The following FBXL17 variants were observed in gnomAD, a reference collection of about 807,000 sequenced individuals.
FBXL17 encodes the protein F-box and leucine rich repeat protein 17, also known as F-box/LRR-repeat protein 17.
A neutral mutation model predicts 66.2 loss-of-function variants in FBXL17; 22 were observed. The ratio of observed to expected loss-of-function variants is 0.33; its 90% CI spans 0.24 to 0.47. The LOEUF is 0.47. Ranked by LOEUF, FBXL17 falls within the 20% of genes least tolerant of loss-of-function variation. FBXL17 has a pLI of 1.00. For missense variants in FBXL17, 878 were observed against 948.2 expected (o/e 0.93, Z 0.97); for synonymous variants, 474 against 400.5 (o/e 1.18, Z -2.19).
intron 6 of FBXL17, among the ~76,000 whole-genome samples, chr5:108,125,996 G>GA (rs1242650198): frequency 6.6e-6 from 1 of 152,018 alleles, no homozygotes; most frequent in African/African-American, 2.4e-5. Flanking sequence ...CCCACAAGTG[G>GA]AAAAATCCTA....
At chr5:108,135,356 C>T (rs1480387455) in intron 6 of FBXL17, among the ~76,000 whole-genome samples, 1 of 152,096 alleles carries the variant, frequency 6.6e-6, no homozygotes, top group Non-Finnish European at 1.5e-5. Flanking sequence ...TATTTACTCC[C>T]AAGTGCTGTT....
chr5:108,169,859 A>G (rs1752542096), intron 6 of FBXL17, among the ~76,000 whole-genome samples: 1 of 152,192 alleles, frequency 6.6e-6, no homozygotes, highest in Non-Finnish European at 1.5e-5. Context: ...TATCCAATCA[A>G]TCCATCAACA....
intron 6 of FBXL17, among the ~76,000 whole-genome samples, chr5:108,173,602 A>G (rs1025355109): frequency 6.6e-6 from 1 of 152,226 alleles, no homozygotes. Context: ...AGTCTTTAAT[A>G]CAATACAACC....
chr5:108,071,471 C>T lies in FBXL17; in HGVS notation c.1746-50470G>A, dbSNP rs116789814. Reference sequence around the variant, plus strand: ...TTGTGAGGATGACTTCACTGAAGTGCATGGATTCCTCTTTGGGCCAATCTC... The same window carrying T: ...TTGTGAGGATGACTTCACTGAAGTGTATGGATTCCTCTTTGGGCCAATCTC... On this transcript the variant is annotated intron_variant, in intron 6 of 8. Transcript: ENST00000542267. Among the ~76,000 whole-genome samples the T allele has an allele frequency of 3.6e-3, 552 of 152,310 alleles. 1 individual carries two copies. The highest frequency in any genetic ancestry group is 6.7e-3 in the Non-Finnish European group (459 of 68,024).
At chr5:108,013,421 T>A (rs1357225988) in intron 7 of FBXL17, among the ~76,000 whole-genome samples, 1 of 152,236 alleles carries the variant, frequency 6.6e-6, no homozygotes, top group African/African-American at 2.4e-5. Context: ...AAAGCATCCA[T>A]TCAGACACCT....
intron 7 of FBXL17, among the ~76,000 whole-genome samples, chr5:107,895,641 T>C (rs1282519077): frequency 6.6e-6 from 1 of 152,196 alleles, no homozygotes; most frequent in Admixed American, 6.5e-5. Flanking sequence ...AATGATGCTC[T>C]CAAATAAAAT....
intron 6 of FBXL17, among the ~76,000 whole-genome samples, chr5:108,072,504 C>T (rs1312503499): frequency 6.6e-6 from 1 of 152,120 alleles, no homozygotes; most frequent in Non-Finnish European, 1.5e-5. Context: ...GAGATTGGGA[C>T]CATCCTGGCT....
At chr5:107,939,110 T>A (rs927201895) in intron 7 of FBXL17, among the ~76,000 whole-genome samples, 4 of 152,178 alleles carry the variant, frequency 2.6e-5, no homozygotes, top group Non-Finnish European at 5.9e-5. Context: ...TCATGAATGA[T>A]CATTATCATC....
chr5:108,324,611 A>C (rs1759765722), intron 4 of FBXL17, among the ~76,000 whole-genome samples: 1 of 152,088 alleles, frequency 6.6e-6, no homozygotes, highest in Admixed American at 6.6e-5. Context: ...AACTGAAAGA[A>C]GGGTCTCAAA....
At chr5:108,166,158 G>C (rs1226877789) in intron 6 of FBXL17, among the ~76,000 whole-genome samples, 1 of 152,198 alleles carries the variant, frequency 6.6e-6, no homozygotes. Context: ...AAAGAGTCAA[G>C]TGAGACTTTG....
chr5:108,028,699 C>A (rs1754918905), intron 6 of FBXL17, among the ~76,000 whole-genome samples: 1 of 152,120 alleles, frequency 6.6e-6, no homozygotes, highest in East Asian at 1.9e-4. Context: ...GGAGGCAACT[C>A]AGACAAGATG....
At chr5:108,294,340 T>C (rs1758258234) in intron 4 of FBXL17, among the ~76,000 whole-genome samples, 1 of 150,256 alleles carries the variant, frequency 6.7e-6, no homozygotes. Flanking sequence ...ATACAGGCTC[T>C]AACCCAAAAA....
chr5:108,228,485 C>T (rs1755192263), intron 4 of FBXL17, among the ~76,000 whole-genome samples: 1 of 152,132 alleles, frequency 6.6e-6, no homozygotes, highest in Admixed American at 6.5e-5. Flanking sequence ...TCTCTATACA[C>T]TTTGTTCATT....
intron 4 of FBXL17, among the ~76,000 whole-genome samples, chr5:108,226,175 T>C (rs1361469807): frequency 6.6e-6 from 1 of 152,150 alleles, no homozygotes; most frequent in Non-Finnish European, 1.5e-5. Flanking sequence ...AAAATAACTC[T>C]TCCCTCCCTC....
chr5:108,038,239 C>T (rs1385906240), intron 6 of FBXL17, among the ~76,000 whole-genome samples: 1 of 151,942 alleles, frequency 6.6e-6, no homozygotes, highest in East Asian at 1.9e-4. Context: ...AACATAGGTT[C>T]CATATTATAT....
At chr5:107,967,356 G>T (rs1448669802) in intron 7 of FBXL17, among the ~76,000 whole-genome samples, 1 of 151,954 alleles carries the variant, frequency 6.6e-6, no homozygotes, top group Non-Finnish European at 1.5e-5. Context: ...GCTTAGATGT[G>T]CAGGCATGGA....
At chr5:107,984,146 T>C (rs570200010) in intron 7 of FBXL17, among the ~76,000 whole-genome samples, 3 of 152,204 alleles carry the variant, frequency 2.0e-5, no homozygotes. Flanking sequence ...TATTCTCAGC[T>C]TTTTTCCTTA....
At position 108,347,159 on chromosome 5, in the gene FBXL17, G is replaced by T. The variant is rs571470723; in HGVS notation, c.1506+1240C>A. 8.5e-5 allele frequency among the ~76,000 whole-genome samples: 13 copies of T among 152,228 alleles called. No homozygotes were observed. In the South Asian group the frequency reaches 1.0e-3, roughly 12 times the overall value. Reference sequence around the variant, plus strand: ...CAGAATGTACTTACACAAACCTAGAGCATACAGAAAGCCCTGGGCCATATG... The same window carrying T: ...CAGAATGTACTTACACAAACCTAGATCATACAGAAAGCCCTGGGCCATATG... On this transcript the variant is annotated intron_variant, in intron 4 of 8. Transcript: ENST00000542267.
intron 5 of FBXL17, among the ~76,000 whole-genome samples, chr5:108,188,855 C>T (rs76502385): frequency 1.8e-4 from 27 of 151,990 alleles, no homozygotes; most frequent in African/African-American, 6.0e-4. Flanking sequence ...TTTTAAGTAT[C>T]TAAAGGTACA....
Sources: allele counts gnomAD v4.1 joint callset (sites outside exome capture counted in the v4.1 genomes callset), GRCh38; gene constraint gnomAD v4.1.1; transcripts MANE v1.5; gene names NCBI Gene and HGNC (gene_info 2026-07-23, HGNC 2026-07-21).